GABRB3: variants seen among roughly 807,000 people sequenced by gnomAD.
GABRB3 encodes the protein gamma-aminobutyric acid type A receptor subunit beta3.
GABRB3 carries 14 observed loss-of-function variants against 52.1 expected under a neutral mutation model. The ratio of observed to expected loss-of-function variants is 0.27; its 90% confidence interval spans 0.18 to 0.42. The LOEUF (loss-of-function observed/expected upper bound fraction) is 0.42, where lower values mean the gene tolerates loss of function less well. Ranked by LOEUF, GABRB3 falls within the 10% of genes least tolerant of loss-of-function variation. The probability of loss-of-function intolerance (pLI) is 1.00; values close to 1 mark genes in which losing one functional copy is unlikely to be tolerated. For synonymous variants in GABRB3, 260 were observed against 232.3 expected (o/e 1.12, Z -1.08); for missense variants, 307 against 609.1 (o/e 0.50, Z 5.22).
chr15:26,678,668 A>T (rs2045518600), intron 3 of GABRB3, among the ~76,000 whole-genome samples: 1 of 152,134 alleles, frequency 6.6e-6, no homozygotes, highest in African/African-American at 2.4e-5. Context: ...TTCTAAAGGA[A>T]ATATGGATGG....
upstream of GABRB3, chr15:26,773,102 G>A (rs1891204652): frequency 5.7e-6 from 5 of 878,712 alleles, no homozygotes; most frequent in South Asian, 1.0e-4. Context: ...GGGAGGGGAG[G>A]AGGGGGAGGA....
intron 7 of GABRB3, among the ~76,000 whole-genome samples, chr15:26,564,773 G>C (rs1375799573): frequency 1.3e-5 from 2 of 152,180 alleles, no homozygotes; most frequent in African/African-American, 4.8e-5. Context: ...ACAGTTATGA[G>C]GGATTCCTCA....
rs371952624 is a variant in GABRB3 at position 26,697,230 on chromosome 15, C to T, written c.240+75172G>A. ...AAATGTTTCTTAAGAAACACATTAC[C>T]CTAAGTAATGATCTATTCTCAAAGG... On this transcript the variant is annotated intron_variant, in intron 3 of 8. Transcript: ENST00000311550. Among the ~76,000 whole-genome samples the T allele has an allele frequency of 4.6e-5, 7 of 152,174 alleles. No homozygotes were observed. The South Asian group carries it at 8.3e-4, about 18-fold the overall frequency.
chr15:26,649,326 C>T (rs1036870559), intron 3 of GABRB3, among the ~76,000 whole-genome samples: 1 of 152,070 alleles, frequency 6.6e-6, no homozygotes, highest in Admixed American at 6.6e-5. Context: ...CACAGCATTC[C>T]TCTCTCTCTT....
At chr15:26,637,194 A>G (rs878922638) in intron 3 of GABRB3, among the ~76,000 whole-genome samples, 3 of 152,052 alleles carry the variant, frequency 2.0e-5, no homozygotes, top group Admixed American at 1.3e-4. Context: ...TTGCTCCTCA[A>G]ACAACCCAGG....
intron 3 of GABRB3, among the ~76,000 whole-genome samples, chr15:26,764,799 G>A (rs1216089971): frequency 6.6e-6 from 1 of 152,146 alleles, no homozygotes; most frequent in African/African-American, 2.4e-5. Context: ...GAGTGGGCAG[G>A]CGGAAGGGAA....
chr15:26,569,555 A>G (rs1890314869), intron 6 of GABRB3, among the ~76,000 whole-genome samples: 1 of 152,214 alleles, frequency 6.6e-6, no homozygotes, highest in South Asian at 2.1e-4. Context: ...AGGTGTTTTC[A>G]ATTTTTATAA....
At chr15:26,742,984 C>T (rs1333314220) in intron 3 of GABRB3, among the ~76,000 whole-genome samples, 2 of 122,546 alleles carry the variant, frequency 1.6e-5, no homozygotes, top group Non-Finnish European at 3.1e-5. Flanking sequence ...GGCGGGAGTG[C>T]AGTTGTAGGA....
At chr15:26,627,773 T>C (rs187561827) in intron 3 of GABRB3, among the ~76,000 whole-genome samples, 1 of 152,324 alleles carries the variant, frequency 6.6e-6, no homozygotes, top group African/African-American at 2.4e-5. Context: ...GTGAACATTG[T>C]TGCAATGACA....
intron 3 of GABRB3, among the ~76,000 whole-genome samples, chr15:26,720,523 G>C (rs568236629): frequency 6.6e-6 from 1 of 152,222 alleles, no homozygotes; most frequent in Non-Finnish European, 1.5e-5. Context: ...GAGTATCCAG[G>C]GACCCAGACG....
intron 3 of GABRB3, among the ~76,000 whole-genome samples, chr15:26,696,236 A>G (rs1566809234): frequency 1.3e-5 from 2 of 151,342 alleles, no homozygotes; most frequent in African/African-American, 4.9e-5. Context: ...CACATACTTT[A>G]TTTTTTTTTA....
intron 3 of GABRB3, among the ~76,000 whole-genome samples, chr15:26,757,315 C>T (rs4408511): frequency 0.92 from 139,272 of 152,140 alleles, 63,800 homozygotes; most frequent in East Asian, 1. Context: ...GGCCCAACAG[C>T]GTCCCTAGGA....
chr15:26,567,810 T>C, intron 6 of GABRB3, 77 bp from the exon 7 acceptor site: 1 of 1,408,694 alleles, frequency 7.1e-7, no homozygotes, highest in Non-Finnish European at 1.0e-6. Flanking sequence ...CTTCCATAGG[T>C]CAACAACAGG....
At chr15:26,602,282 A>G (rs748267125) in intron 4 of GABRB3, among the ~76,000 whole-genome samples, 1 of 152,184 alleles carries the variant, frequency 6.6e-6, no homozygotes, top group Non-Finnish European at 1.5e-5. Context: ...AGAGCCAAAG[A>G]GAGAGATAGG....
chr15:26,619,238 A>G (rs1892381886), intron 4 of GABRB3, among the ~76,000 whole-genome samples: 1 of 151,856 alleles, frequency 6.6e-6, no homozygotes, highest in Non-Finnish European at 1.5e-5. Flanking sequence ...TTGTGGCACT[A>G]TTCACAATAG....
intron 8 of GABRB3, among the ~76,000 whole-genome samples, 170 bp from the exon 9 acceptor site, chr15:26,548,304 T>C (rs1889336669): frequency 6.6e-6 from 1 of 152,194 alleles, no homozygotes; most frequent in Non-Finnish European, 1.5e-5. Flanking sequence ...TGGAGGTTAA[T>C]TGCAGTTGAG....
chr15:26,545,766 G>A lies in GABRB3; in HGVS notation c.*2027C>T, dbSNP rs546801499. On this transcript the variant is annotated 3_prime_UTR_variant, in exon 9 of 9. Coordinates refer to ENST00000311550, the MANE Select transcript of GABRB3 (RefSeq NM_000814.6). ...GTTACCCATGGAAAAAATGGTCAGA[G>A]AAAAGCCAAAGCCAAAGAAATCCCT... 2 of 152,160 alleles carry A rather than the reference G, an allele frequency of 1.3e-5. No homozygotes were observed. Among genetic ancestry groups the A allele is most frequent in the South Asian group, 4.1e-4 (2 of 4,820 alleles). The allele number at this position is 152,160 out of a possible 1,614,324, so 9.4% of individuals were successfully genotyped here.
intron 6 of GABRB3, among the ~76,000 whole-genome samples, chr15:26,568,045 T>G (rs1157466581): frequency 6.6e-6 from 1 of 152,274 alleles, no homozygotes; most frequent in Non-Finnish European, 1.5e-5. Context: ...GTTTATTCTT[T>G]AATGAATGAT....
chr15:26,640,349 A>G (rs1159935769), intron 3 of GABRB3, among the ~76,000 whole-genome samples: 1 of 152,066 alleles, frequency 6.6e-6, no homozygotes, highest in African/African-American at 2.4e-5. Context: ...AACCCCATCT[A>G]TACTAAAAAT....
Sources: gnomAD v4.1 joint callset for allele counts (sites outside exome capture counted in the v4.1 genomes callset) on GRCh38, gnomAD v4.1.1 for gene constraint, MANE v1.5 for transcripts, NCBI Gene and HGNC (gene_info 2026-07-23, HGNC 2026-07-21) for gene names.